ARHGAP5: variants seen among roughly 807,000 people sequenced by gnomAD.
ARHGAP5 encodes the protein Rho GTPase activating protein 5.
ARHGAP5 carries 23 observed loss-of-function variants against 116.6 expected under a neutral mutation model. The observed-to-expected ratio is 0.20, with a 90% CI of 0.14 to 0.28. ARHGAP5 has a LOEUF of 0.28. Among genes scored for constraint, ARHGAP5 ranks in the 10% least tolerant of loss-of-function variants. The pLI is 1.00. For missense variants in ARHGAP5, 1,405 were observed against 1,774.8 expected (o/e 0.79, Z 3.74); for synonymous variants, 574 against 602.0 (o/e 0.95, Z 0.68).
rs1371291555 is a variant in ARHGAP5 at position 32,129,367 on chromosome 14, G to A, written c.3865+12080G>A. On this transcript the variant is annotated intron_variant, in intron 3 of 6. Coordinates refer to ENST00000345122, the MANE Select transcript of ARHGAP5 (RefSeq NM_001030055.2). ...TTGCCAGAATTTTTATTTGCATGTG[G>A]TTGCAGTTAATCTGGAACGCCCCAC... 3.9e-5 allele frequency among the ~76,000 whole-genome samples: 6 copies of A among 152,026 alleles called. No homozygotes were observed. The East Asian group carries it at 1.2e-3, about 29-fold the overall frequency.
chr14:32,120,779 A>G (rs1879845164), intron 3 of ARHGAP5, among the ~76,000 whole-genome samples: 1 of 152,022 alleles, frequency 6.6e-6, no homozygotes, highest in Non-Finnish European at 1.5e-5. Flanking sequence ...CTGAATGTTT[A>G]TTATAGTGTG....
At chr14:32,095,703 C>T (rs1458366505) in intron 2 of ARHGAP5, among the ~76,000 whole-genome samples, 1 of 152,122 alleles carries the variant, frequency 6.6e-6, no homozygotes, top group Non-Finnish European at 1.5e-5. Flanking sequence ...GCGTGAGCCA[C>T]CGCGCCCAGC....
Position 32,093,207 on chromosome 14 carries a change from A to T in ARHGAP5, c.2538A>T (p.Glu846Asp), listed in dbSNP as rs776104106. 6.2e-7 allele frequency: 1 copy of T among 1,614,062 alleles called. No individual in the cohort carries two copies. Among genetic ancestry groups the T allele is most frequent in the South Asian group, 1.1e-5 (1 of 91,076 alleles). The change falls in exon 2 of 7, where the codon GAA (glutamate) becomes GAT (aspartate). Residue 846 changes from glutamate to aspartate, a missense_variant. Glu to Asp is a conservative substitution (Grantham distance 45). Transcript: ENST00000345122. Reference protein sequence around the residue: ...YHSSIGVRKDELVHGYILVYS... With the variant: ...YHSSIGVRKDDLVHGYILVYS... ...CTTCAATTGGAGTAAGAAAAGATGA[A>T]CTAGTTCATGGGTATATATTAGTTT... is the stretch of plus-strand genomic sequence containing the variant.
intron 3 of ARHGAP5, among the ~76,000 whole-genome samples, chr14:32,143,229 TG>T (rs1881213090): frequency 6.7e-6 from 1 of 149,468 alleles, no homozygotes; most frequent in Non-Finnish European, 1.5e-5. Context: ...TTGTTGTTGT[TG>T]TTGTTGTTGT....
At chr14:32,139,305 G>C (rs1008348718) in intron 3 of ARHGAP5, among the ~76,000 whole-genome samples, 8 of 151,864 alleles carry the variant, frequency 5.3e-5, no homozygotes, top group Non-Finnish European at 1.2e-4. Context: ...TTTTTTAAGG[G>C]TTTGGCATAA....
At chr14:32,127,719 G>C (rs1185811478) in intron 3 of ARHGAP5, among the ~76,000 whole-genome samples, 1 of 152,182 alleles carries the variant, frequency 6.6e-6, no homozygotes, top group African/African-American at 2.4e-5. Flanking sequence ...CGGCCGGGCA[G>C]AGGGGCTCCT....
intron 3 of ARHGAP5, among the ~76,000 whole-genome samples, chr14:32,126,035 C>T (rs768623747): frequency 4.1e-4 from 62 of 152,072 alleles, no homozygotes; most frequent in Non-Finnish European, 7.8e-4. Context: ...TGTTTGTCTT[C>T]TGTGAATAGG....
chr14:32,133,043 G>A (rs1012898759), intron 3 of ARHGAP5, among the ~76,000 whole-genome samples: 1 of 152,124 alleles, frequency 6.6e-6, no homozygotes, highest in Admixed American at 6.6e-5. Flanking sequence ...TTGTTCTTTT[G>A]ACTTAGGATT....
chr14:32,105,213 C>G (rs1878958307), intron 2 of ARHGAP5, among the ~76,000 whole-genome samples: 1 of 152,092 alleles, frequency 6.6e-6, no homozygotes, highest in Non-Finnish European at 1.5e-5. Flanking sequence ...CCATATAGGT[C>G]ATAGCGTTTT....
intron 3 of ARHGAP5, among the ~76,000 whole-genome samples, chr14:32,142,843 G>T (rs1881188311): frequency 6.6e-6 from 1 of 152,172 alleles, no homozygotes; most frequent in South Asian, 2.1e-4. Context: ...CGTTGATTCT[G>T]ACCCTTCTGG....
Position 32,091,247 on chromosome 14 carries a change from C to T in ARHGAP5, c.578C>T (p.Pro193Leu). 1 of 1,612,154 alleles carries T rather than the reference C, an allele frequency of 6.2e-7. No homozygotes were observed. Among genetic ancestry groups the T allele is most frequent in the Non-Finnish European group, 8.5e-7 (1 of 1,179,204 alleles). Residue 193 changes from proline (P) to leucine (L), a missense_variant, in exon 2 of 7, where the codon CCT (proline) becomes CTT (leucine). By Grantham distance (98) the Pro-to-Leu change is moderately conservative (BLOSUM62 -3). Coordinates refer to ENST00000345122, the MANE Select transcript of ARHGAP5 (RefSeq NM_001030055.2). Reference protein sequence around the residue: ...LFVQLSKSKKPVIIAATKCDE... With the variant: ...LFVQLSKSKKLVIIAATKCDE... ...GTCCAGTTATCAAAATCAAAAAAACCTGTAATAATAGCAGCAACTAAATGT... is the reference window on the plus strand; with the variant it reads ...GTCCAGTTATCAAAATCAAAAAAACTTGTAATAATAGCAGCAACTAAATGT...
chr14:32,130,790 C>G (rs956058480), intron 3 of ARHGAP5, among the ~76,000 whole-genome samples: 3 of 152,194 alleles, frequency 2.0e-5, no homozygotes, highest in African/African-American at 7.2e-5. Flanking sequence ...CTCGGCCTCC[C>G]AAAGTGCTGG....
At chr14:32,086,932 T>C (rs1229760987) in intron 1 of ARHGAP5, among the ~76,000 whole-genome samples, 1 of 152,164 alleles carries the variant, frequency 6.6e-6, no homozygotes, top group African/African-American at 2.4e-5. Flanking sequence ...AGATTGGGAA[T>C]GAAGAGATTT....
intron 2 of ARHGAP5, among the ~76,000 whole-genome samples, chr14:32,113,687 A>C (rs972644742): frequency 6.6e-6 from 1 of 152,204 alleles, no homozygotes; most frequent in African/African-American, 2.4e-5. Flanking sequence ...TTGAGACTTC[A>C]CTTTTTCCTC....
chr14:32,140,086 G>GTT (rs1566681639), intron 3 of ARHGAP5, among the ~76,000 whole-genome samples: 1 of 43,632 alleles, frequency 2.3e-5, no homozygotes, highest in Non-Finnish European at 4.8e-5. Flanking sequence ...TTTTTTTTTA[G>GTT]GTTATTTGTT....
intron 3 of ARHGAP5, among the ~76,000 whole-genome samples, chr14:32,123,732 ATAGT>A (rs1004730857): frequency 6.6e-6 from 1 of 152,168 alleles, no homozygotes; most frequent in Non-Finnish European, 1.5e-5. Flanking sequence ...AAAGAAAAAA[ATAGT>A]TAAGAATGTT....
In ARHGAP5 at chr14:32,092,427, A is replaced by T; in HGVS notation, c.1758A>T (p.Leu586Phe). 6.2e-7 allele frequency: 1 copy of T among 1,613,652 alleles called. No individual in the cohort carries two copies. The highest frequency in any genetic ancestry group is 8.5e-7 in the Non-Finnish European group (1 of 1,179,810). Residue 586 changes from leucine (L) to phenylalanine (F), a missense_variant, in exon 2 of 7, where the codon TTA (leucine) becomes TTT (phenylalanine). Around this residue, in one of 6 missense-constraint regions of ARHGAP5, gnomAD observed 944 missense variants for 1,095.3 expected, o/e 0.86. Transcript: ENST00000345122. This position sits in a 1 kb window ranked among gnomAD's most constrained non-coding sequence, Gnocchi z 4.1. Reference sequence around the variant, plus strand: ...AGTTGGATCATGGCCGCTTAAGATTATATCACGATAGTACCAATATAGATA... The same window carrying T: ...AGTTGGATCATGGCCGCTTAAGATTTTATCACGATAGTACCAATATAGATA... Reference protein sequence around the residue: ...LLQLDHGRLRLYHDSTNIDKV... With the variant: ...LLQLDHGRLRFYHDSTNIDKV...
At chr14:32,084,275 C>T (rs1389685935) in intron 1 of ARHGAP5, among the ~76,000 whole-genome samples, 1 of 152,152 alleles carries the variant, frequency 6.6e-6, no homozygotes, top group African/African-American at 2.4e-5. Flanking sequence ...GCGGAGCTCC[C>T]AGAGTACTGC....
At chr14:32,080,894 T>C (rs1249329623) in intron 1 of ARHGAP5, among the ~76,000 whole-genome samples, 1 of 152,196 alleles carries the variant, frequency 6.6e-6, no homozygotes, top group Non-Finnish European at 1.5e-5. Flanking sequence ...GAATTATTAC[T>C]TGGGAAAAAG....
Sources: gnomAD v4.1 joint callset for allele counts (sites outside exome capture counted in the v4.1 genomes callset) on GRCh38, gnomAD v4.1.1 for gene constraint, gnomAD v4.1.1 regional missense constraint, Gnocchi (gnomAD v3.1) non-coding constraint, MANE v1.5 for transcripts, NCBI Gene and HGNC (gene_info 2026-07-23, HGNC 2026-07-21) for gene names.